The following COL19A1 variants were observed in gnomAD, a reference collection of about 807,000 sequenced individuals.
The protein encoded by COL19A1 is collagen type XIX alpha 1 chain.
A neutral mutation model predicts 190.2 loss-of-function variants in COL19A1; 159 were observed. That is an observed-to-expected ratio of 0.84 (90% CI 0.73 to 0.95). COL19A1 has a LOEUF of 0.95. Among genes scored for constraint, COL19A1 ranks in the 40% least tolerant of loss-of-function variants. The pLI, the probability that COL19A1 is intolerant of heterozygous loss-of-function variation, is 0.00. For missense variants in COL19A1, 1,418 were observed against 1,431.9 expected, an observed-to-expected ratio of 0.99 and a Z score of 0.16; for synonymous variants, 509 against 458.9, an observed-to-expected ratio of 1.11 and a Z score of -1.39.
chr6:69,899,133 C>T, intron 3 of COL19A1, 111 bp downstream of exon 3: 1 of 650,908 alleles, frequency 1.5e-6, no homozygotes. Flanking sequence ...AAGATCATAG[C>T]ATTAACGTGA....
intron 15 of COL19A1, among the ~76,000 whole-genome samples, chr6:70,091,373 A>G (rs1276761869): frequency 2.6e-5 from 4 of 152,180 alleles, no homozygotes; most frequent in African/African-American, 9.7e-5. Context: ...TATTGTCCCC[A>G]CTGGTATATA....
intron 2 of COL19A1, among the ~76,000 whole-genome samples, chr6:69,883,623 A>G (rs1230686269): frequency 6.6e-6 from 1 of 152,262 alleles, no homozygotes; most frequent in Non-Finnish European, 1.5e-5. Flanking sequence ...CTGGTGTATA[A>G]GTAATACAAG....
chr6:70,177,122 T>C (rs1237621166), intron 42 of COL19A1, among the ~76,000 whole-genome samples: 1 of 152,152 alleles, frequency 6.6e-6, no homozygotes, highest in East Asian at 1.9e-4. Context: ...GAATAGGAAG[T>C]GTTCCAGGAA....
chr6:69,938,245 T>C (rs1773236429), intron 9 of COL19A1, 145 bp downstream of exon 9: 3 of 740,210 alleles, frequency 4.1e-6, no homozygotes, highest in South Asian at 2.0e-5. Context: ...TGCTGATTAC[T>C]GAAATAGAGA....
intron 11 of COL19A1, 113 bp from the exon 12 acceptor site, chr6:70,023,514 G>C (rs1283722019): frequency 7.5e-6 from 6 of 797,570 alleles, no homozygotes; most frequent in Non-Finnish European, 1.2e-5. Flanking sequence ...GCCTTTCAAG[G>C]GTTTAGCAAA....
chr6:70,094,742 T>C (rs1022891652), intron 15 of COL19A1, among the ~76,000 whole-genome samples: 4 of 152,182 alleles, frequency 2.6e-5, no homozygotes, highest in African/African-American at 9.7e-5. Context: ...ATTTTTACTG[T>C]TGAAAATTTG....
chr6:70,052,258 T>G (rs1003250289), intron 14 of COL19A1, among the ~76,000 whole-genome samples: 3 of 152,150 alleles, frequency 2.0e-5, no homozygotes, highest in African/African-American at 7.2e-5. Context: ...AGAGCCAGAA[T>G]TAAGTTTGAA....
intron 2 of COL19A1, among the ~76,000 whole-genome samples, chr6:69,881,166 A>G (rs981398318): frequency 3.3e-5 from 5 of 152,216 alleles, no homozygotes; most frequent in African/African-American, 1.2e-4. Context: ...GGTAATTTAC[A>G]TCTTTAACAA....
At position 69,923,614 on chromosome 6, in the gene COL19A1, T is replaced by C. The variant is rs188085955; in HGVS notation, c.267-4295T>C. 1.8e-3 allele frequency among the ~76,000 whole-genome samples: 276 copies of C among 152,224 alleles called. 1 individual carries two copies. The highest frequency in any genetic ancestry group is 6.4e-3 in the African/African-American group (265 of 41,546). ...ATAAACAAGAAGCTGATCAAAAAAA[T>C]TTTTAAAGAAAAAACTGGGGAAGAA... On this transcript the variant is annotated intron_variant, in intron 4 of 50. Coordinates refer to ENST00000620364, the MANE Select transcript of COL19A1 (RefSeq NM_001858.6).
rs1229960118 is a variant in COL19A1, at chr6:69,929,840, A to G, written c.666+140A>G. The G allele has an allele frequency of 5.3e-6, 4 of 759,830 alleles. No individual in the cohort carries two copies. In the South Asian group the frequency reaches 7.3e-5, roughly 14 times the overall value. 47.1% of individuals were successfully genotyped at this position (759,830 alleles called of 1,614,324 possible). ...ATTAATTTAATTAATTTGCCGTCAG[A>G]TGTGTGAAGAACAGCTATGTTATTT... On this transcript the variant is annotated intron_variant, in intron 6 of 50. Transcript: ENST00000620364.
At chr6:70,024,609 GT>G (rs1562096084) in intron 12 of COL19A1, among the ~76,000 whole-genome samples, 20 of 148,670 alleles carry the variant, frequency 1.3e-4, no homozygotes, top group African/African-American at 3.2e-4. Flanking sequence ...GTGTGTGTGT[GT>G]GTGTGGGTGT....
At chr6:70,172,536 G>A (rs1765559277) in intron 41 of COL19A1, among the ~76,000 whole-genome samples, 1 of 152,174 alleles carries the variant, frequency 6.6e-6, no homozygotes, top group African/African-American at 2.4e-5. Flanking sequence ...TGTATAGCCA[G>A]TGGAGAACCA....
intron 4 of COL19A1, 96 bp from the exon 5 acceptor site, chr6:69,927,813 G>A (rs1220210763): frequency 2.1e-6 from 3 of 1,408,788 alleles, no homozygotes; most frequent in Admixed American, 2.3e-5. Context: ...AGAAAAATAT[G>A]ACTGAGATAT....
chr6:70,016,366 T>TAAAAAAAAA (rs752043571), intron 11 of COL19A1, among the ~76,000 whole-genome samples: 1 of 37,634 alleles, frequency 2.7e-5, no homozygotes, highest in African/African-American at 1.4e-4. Flanking sequence ...TAGAGTATAA[T>TAAAAAAAAA]AAAAAAAAAA....
At chr6:69,933,988 A>G (rs1772947442) in intron 7 of COL19A1, among the ~76,000 whole-genome samples, 1 of 152,020 alleles carries the variant, frequency 6.6e-6, no homozygotes, top group Non-Finnish European at 1.5e-5. Flanking sequence ...AGATTTCATA[A>G]ATGTTCTATA....
chr6:70,141,501 G>A (rs976949525), intron 20 of COL19A1, among the ~76,000 whole-genome samples: 1 of 151,946 alleles, frequency 6.6e-6, no homozygotes, highest in African/African-American at 2.4e-5. Context: ...ATAACTAAAA[G>A]TAGAATCACC....
At chr6:69,935,869 A>T (rs1773069778) in intron 7 of COL19A1, among the ~76,000 whole-genome samples, 1 of 152,142 alleles carries the variant, frequency 6.6e-6, no homozygotes, top group Non-Finnish European at 1.5e-5. Flanking sequence ...ACTGGAAAAT[A>T]TAGCCAAATC....
At chr6:70,030,949 T>A (rs1179617797) in intron 12 of COL19A1, among the ~76,000 whole-genome samples, 1 of 152,220 alleles carries the variant, frequency 6.6e-6, no homozygotes, top group African/African-American at 2.4e-5. Context: ...TTGCTGCCCA[T>A]AATTTGTGTT....
chr6:69,917,725 A>C (rs1000682074), intron 4 of COL19A1, among the ~76,000 whole-genome samples: 3 of 152,148 alleles, frequency 2.0e-5, no homozygotes, highest in African/African-American at 7.2e-5. Context: ...ATCTAAATCA[A>C]GGGTGTCGAA....
Sources: gnomAD v4.1 joint callset for allele counts (sites outside exome capture counted in the v4.1 genomes callset) on GRCh38, gnomAD v4.1.1 for gene constraint, MANE v1.5 for transcripts, NCBI Gene and HGNC (gene_info 2026-07-23, HGNC 2026-07-21) for gene names.